CNKSR3: variants seen among roughly 807,000 people sequenced by gnomAD.
CNKSR3 encodes the protein connector enhancer of kinase suppressor of ras 3.
Under a neutral mutation model 67.7 loss-of-function variants are expected in CNKSR3, and 36 were observed. The observed-to-expected ratio is 0.53, with a 90% CI of 0.41 to 0.70. The LOEUF (loss-of-function observed/expected upper bound fraction) is 0.70. Among genes scored for constraint, CNKSR3 ranks in the 30% least tolerant of loss-of-function variants. The probability of loss-of-function intolerance (pLI) is 0.00; values close to 1 mark genes in which losing one functional copy is unlikely to be tolerated. For synonymous variants in CNKSR3, 281 were observed against 271.4 expected, an observed-to-expected ratio of 1.04 and a Z score of -0.35; for missense variants, 630 against 695.2, an observed-to-expected ratio of 0.91 and a Z score of 1.05.
At chr6:154,462,356 T>A (rs993682891) in intron 1 of CNKSR3, among the ~76,000 whole-genome samples, 17 of 152,132 alleles carry the variant, frequency 1.1e-4, no homozygotes, top group Admixed American at 5.9e-4. Flanking sequence ...TCTCTATGGA[T>A]TTGCCTGGAT....
chr6:154,475,016 T>C (rs1229981076), intron 1 of CNKSR3, among the ~76,000 whole-genome samples: 1 of 152,148 alleles, frequency 6.6e-6, no homozygotes, highest in African/African-American at 2.4e-5. Flanking sequence ...TATGTTTACA[T>C]TGTTCATGGT....
intron 9 of CNKSR3, among the ~76,000 whole-genome samples, chr6:154,414,943 T>C (rs774616173): frequency 2.0e-5 from 3 of 150,812 alleles, no homozygotes; most frequent in African/African-American, 4.9e-5. Context: ...GAAAAAAATA[T>C]AAAAATTAGC....
chr6:154,420,368 T>C (rs1785115297), intron 9 of CNKSR3, among the ~76,000 whole-genome samples: 1 of 152,104 alleles, frequency 6.6e-6, no homozygotes, highest in South Asian at 2.1e-4. Context: ...AGAGATCTAT[T>C]GTATAGCACA....
At chr6:154,433,009 G>A (rs1028243408) in intron 5 of CNKSR3, among the ~76,000 whole-genome samples, 2 of 152,178 alleles carry the variant, frequency 1.3e-5, no homozygotes, top group Admixed American at 6.5e-5. Flanking sequence ...TATCAAAAGA[G>A]CACAGGCTGG....
At chr6:154,459,401 G>A (rs1786032468) in intron 1 of CNKSR3, among the ~76,000 whole-genome samples, 1 of 152,070 alleles carries the variant, frequency 6.6e-6, no homozygotes. Flanking sequence ...CTGATTTTGA[G>A]GATAAGGGAC....
Position 154,406,353 on chromosome 6 carries a change from C to T in CNKSR3, c.*1G>A, listed in dbSNP as rs1784787759. Reference sequence around the variant, plus strand: ...GGCAGGTGGCCTGAGCAGGGTCCCTCTCAGTGAGTCAACAGTTTGAGGCGC... The same window carrying T: ...GGCAGGTGGCCTGAGCAGGGTCCCTTTCAGTGAGTCAACAGTTTGAGGCGC... On this transcript the variant is annotated 3_prime_UTR_variant, in exon 13 of 13. Coordinates refer to ENST00000607772, the MANE Select transcript of CNKSR3 (RefSeq NM_173515.4). 3.1e-6 allele frequency: 5 copies of T among 1,609,276 alleles called. No homozygotes were observed. The highest frequency in any genetic ancestry group is 4.2e-6 in the Non-Finnish European group (5 of 1,178,226).
Position 154,510,419 on chromosome 6 carries a change from C to A in CNKSR3, c.-305G>T. On this transcript the variant is annotated 5_prime_UTR_variant, in exon 1 of 13. Transcript: ENST00000607772. ...CTGCAGGCACGCCGGGCTGCGACCC[C>A]AGACCCCTGGCCTCGGCTCGGCACG... The A allele has an allele frequency of 2.1e-6, 1 of 465,218 alleles. No homozygotes were observed. Among genetic ancestry groups the A allele is most frequent in the Non-Finnish European group, 3.8e-6 (1 of 262,862 alleles). The allele number at this position is 465,218 out of a possible 1,614,324, so 28.8% of individuals were successfully genotyped here. A position where few individuals can be genotyped will look rare whatever the true frequency, so the allele number is the denominator to read the frequency against.
intron 1 of CNKSR3, among the ~76,000 whole-genome samples, chr6:154,495,131 G>A (rs557603082): frequency 1.8e-4 from 28 of 152,168 alleles, no homozygotes; most frequent in South Asian, 4.2e-4. Flanking sequence ...AACACATTTC[G>A]CGTGCCAGGC....
intron 5 of CNKSR3, among the ~76,000 whole-genome samples, chr6:154,431,319 C>T (rs915784634): frequency 4.0e-5 from 6 of 151,756 alleles, no homozygotes; most frequent in African/African-American, 1.5e-4. Flanking sequence ...TGGCGTGTGC[C>T]TGTAACCCCA....
rs574564707 is a variant in CNKSR3, at chr6:154,502,878, G to C, written c.52+7185C>G. Among the ~76,000 whole-genome samples the C allele has an allele frequency of 1.3e-3, 204 of 152,324 alleles. 1 individual carries two copies. Among genetic ancestry groups the C allele is most frequent in the African/African-American group, 4.8e-3 (199 of 41,560 alleles). On this transcript the variant is annotated intron_variant, in intron 1 of 12. Transcript: ENST00000607772. ...CAAGAACGCTCAGGTCCGGGAGCTA[G>C]AAGACAACACGCTGGGTGAAAAGAG... is the stretch of plus-strand genomic sequence containing the variant.
chr6:154,455,615 T>C (rs895934079), intron 1 of CNKSR3, among the ~76,000 whole-genome samples: 3 of 151,888 alleles, frequency 2.0e-5, no homozygotes, highest in Non-Finnish European at 4.4e-5. Context: ...AGAGACAGGG[T>C]TTCACCATGT....
At chr6:154,464,482 C>T (rs1029990232) in intron 1 of CNKSR3, among the ~76,000 whole-genome samples, 5 of 152,094 alleles carry the variant, frequency 3.3e-5, no homozygotes, top group African/African-American at 7.2e-5. Flanking sequence ...TTTGGGAGGC[C>T]GAGGCCTGCG....
chr6:154,473,808 C>T (rs1786383024), intron 1 of CNKSR3, among the ~76,000 whole-genome samples: 1 of 151,474 alleles, frequency 6.6e-6, no homozygotes, highest in Admixed American at 6.6e-5. Context: ...CTTTTTGAAA[C>T]AGAGTTTTGG....
chr6:154,502,782 C>T (rs1787024796), intron 1 of CNKSR3, among the ~76,000 whole-genome samples: 1 of 152,144 alleles, frequency 6.6e-6, no homozygotes, highest in Non-Finnish European at 1.5e-5. Context: ...TCACTTAAAG[C>T]TTACATAATG....
chr6:154,489,512 C>G (rs1786741418), intron 1 of CNKSR3, among the ~76,000 whole-genome samples: 1 of 150,496 alleles, frequency 6.6e-6, no homozygotes, highest in Admixed American at 6.6e-5. Context: ...GCCTGGGTGA[C>G]CAAGTGAGAG....
intron 10 of CNKSR3, 109 bp from the exon 11 acceptor site, chr6:154,411,251 C>A: frequency 1.3e-6 from 1 of 764,098 alleles, no homozygotes; most frequent in Admixed American, 2.8e-5. Context: ...TTAAATTCTC[C>A]TTTTCCACTG....
chr6:154,502,425 G>C (rs916087081), intron 1 of CNKSR3, among the ~76,000 whole-genome samples: 6 of 150,628 alleles, frequency 4.0e-5, no homozygotes, highest in African/African-American at 1.5e-4. Context: ...TCAAACTCCT[G>C]ACCTCAGGTG....
Position 154,408,245 on chromosome 6 carries a change from G to A in CNKSR3, c.1370-1593C>T, listed in dbSNP as rs144887929. ...TCACCATGTTGGCCAGGCTGGTCTC[G>A]AACTGCTGACCTCGTGATCCGCCTG... On this transcript the variant is annotated intron_variant, in intron 12 of 12. Transcript: ENST00000607772. 7.9e-3 allele frequency among the ~76,000 whole-genome samples: 1,198 copies of A among 152,132 alleles called. 14 individuals carry two copies. Among genetic ancestry groups the A allele is most frequent in the African/African-American group, 0.028 (1,148 of 41,504 alleles).
At chr6:154,426,608 G>C (rs1221059825) in intron 7 of CNKSR3, among the ~76,000 whole-genome samples, 1 of 152,142 alleles carries the variant, frequency 6.6e-6, no homozygotes, top group Non-Finnish European at 1.5e-5. Flanking sequence ...GCCCACCTCA[G>C]CCTCCCAAAG....
Sources: gnomAD v4.1 joint callset for allele counts (sites outside exome capture counted in the v4.1 genomes callset) on GRCh38, gnomAD v4.1.1 for gene constraint, MANE v1.5 for transcripts, NCBI Gene and HGNC (gene_info 2026-07-23, HGNC 2026-07-21) for gene names.